The following KHDRBS2 variants were observed in gnomAD, a reference collection of about 807,000 sequenced individuals.
KHDRBS2 encodes the protein KH RNA binding domain containing, signal transduction associated 2, also known as KH domain-containing, RNA-binding, signal transduction-associated protein 2.
KHDRBS2 carries 26 observed loss-of-function variants against 44.3 expected under a neutral mutation model. The observed-to-expected ratio is 0.59, with a 90% CI of 0.43 to 0.81. The LOEUF (loss-of-function observed/expected upper bound fraction) is 0.81, where lower values mean the gene tolerates loss of function less well. KHDRBS2 is among the 40% of genes least tolerant of loss of function. The pLI, the probability that KHDRBS2 is intolerant of heterozygous loss-of-function variation, is 0.00. For synonymous variants in KHDRBS2, 194 were observed against 151.1 expected, an observed-to-expected ratio of 1.28 and a Z score of -2.08; for missense variants, 476 against 433.1, an observed-to-expected ratio of 1.10 and a Z score of -0.88.
At chr6:62,028,900 A>G (rs1783850051) in intron 3 of KHDRBS2, among the ~76,000 whole-genome samples, 1 of 152,108 alleles carries the variant, frequency 6.6e-6, no homozygotes, top group Non-Finnish European at 1.5e-5. Flanking sequence ...TGTCTTCAAA[A>G]TAACTAAAAT....
At chr6:61,763,206 T>A (rs1779525672) in intron 6 of KHDRBS2, among the ~76,000 whole-genome samples, 3 of 152,166 alleles carry the variant, frequency 2.0e-5, no homozygotes, top group Admixed American at 6.5e-5. Flanking sequence ...TCTTGGAGAC[T>A]CCGACAGTAA....
At chr6:61,892,112 C>A (rs1801952813) in intron 6 of KHDRBS2, among the ~76,000 whole-genome samples, 1 of 152,078 alleles carries the variant, frequency 6.6e-6, no homozygotes, top group Non-Finnish European at 1.5e-5. Context: ...CAATAACAGA[C>A]AAACAGAGAG....
At chr6:62,217,299 A>G (rs1830176102) in intron 1 of KHDRBS2, among the ~76,000 whole-genome samples, 1 of 151,796 alleles carries the variant, frequency 6.6e-6, no homozygotes, top group Non-Finnish European at 1.5e-5. Flanking sequence ...CTAAATTCAT[A>G]TATAGAAGCC....
chr6:62,117,142 A>G (rs1210208185), intron 2 of KHDRBS2, among the ~76,000 whole-genome samples: 1 of 152,076 alleles, frequency 6.6e-6, no homozygotes, highest in Non-Finnish European at 1.5e-5. Context: ...CATATGGTAA[A>G]TCTAGTTTTA....
intron 3 of KHDRBS2, among the ~76,000 whole-genome samples, chr6:62,041,556 A>G (rs564848032): frequency 1.3e-5 from 2 of 152,016 alleles, no homozygotes. Flanking sequence ...CTCTCATTTC[A>G]CTCTTCTAGG....
chr6:61,623,856 G>A, the KHDRBS2 span, among the ~76,000 whole-genome samples: 1 of 152,184 alleles, frequency 6.6e-6, no homozygotes. Context: ...GGTAGTGGTT[G>A]CATTACAGTC....
chr6:61,787,606 CT>C (rs1784018664), intron 6 of KHDRBS2, among the ~76,000 whole-genome samples: 1 of 151,530 alleles, frequency 6.6e-6, no homozygotes, highest in South Asian at 2.1e-4. Flanking sequence ...TTTGTTTTGG[CT>C]TTTTTACTTT....
chr6:61,637,495 T>A, the KHDRBS2 span, among the ~76,000 whole-genome samples: 1 of 151,926 alleles, frequency 6.6e-6, no homozygotes, highest in African/African-American at 2.4e-5. Flanking sequence ...AATAAACATA[T>A]GTGTGCGTGT....
In KHDRBS2 at chr6:61,786,294, C is replaced by T. The variant is rs555220037; in HGVS notation, c.811-53530G>A. Among the ~76,000 whole-genome samples the T allele has an allele frequency of 4.6e-5, 7 of 151,998 alleles. 1 individual carries two copies. In the South Asian group the frequency reaches 1.0e-3, roughly 23 times the overall value. On this transcript the variant is annotated intron_variant, in intron 6 of 8. Coordinates refer to ENST00000281156, the MANE Select transcript of KHDRBS2 (RefSeq NM_152688.4). ...ATCTTCTGAAAAATATTCCATATCC[C>T]CCAAACATATTAGCTTATTTAAGTG...
the KHDRBS2 span, among the ~76,000 whole-genome samples, chr6:61,662,859 A>G: frequency 6.6e-6 from 1 of 151,870 alleles, no homozygotes; most frequent in African/African-American, 2.4e-5. Flanking sequence ...TCAGGGATCT[A>G]GAACTAGAAA....
intron 4 of KHDRBS2, among the ~76,000 whole-genome samples, chr6:61,929,916 C>T (rs1327959857): frequency 6.6e-6 from 1 of 152,036 alleles, no homozygotes; most frequent in East Asian, 1.9e-4. Context: ...TATTTCTTAA[C>T]CTCCCTCCTT....
chr6:62,053,906 T>G (rs1225074195), intron 2 of KHDRBS2, among the ~76,000 whole-genome samples: 1 of 152,040 alleles, frequency 6.6e-6, no homozygotes, highest in African/African-American at 2.4e-5. Flanking sequence ...TATTTTTGTA[T>G]GCCAGCAGCA....
intron 6 of KHDRBS2, among the ~76,000 whole-genome samples, chr6:61,775,138 A>G (rs1247668124): frequency 2.0e-5 from 3 of 152,168 alleles, no homozygotes; most frequent in Non-Finnish European, 4.4e-5. Context: ...GATGGGATGT[A>G]TCTCAAAATA....
chr6:62,107,942 T>C (rs1269454631), intron 2 of KHDRBS2, among the ~76,000 whole-genome samples: 1 of 152,006 alleles, frequency 6.6e-6, no homozygotes, highest in Admixed American at 6.6e-5. Context: ...CAAAAATTAA[T>C]TCAAGATGGA....
chr6:62,260,582 G>A (rs1414775512), intron 1 of KHDRBS2, among the ~76,000 whole-genome samples: 1 of 151,806 alleles, frequency 6.6e-6, no homozygotes, highest in Non-Finnish European at 1.5e-5. Context: ...TAATGAACTG[G>A]TATTCAGAAT....
At chr6:61,928,924 T>C (rs2127364983) in intron 4 of KHDRBS2, among the ~76,000 whole-genome samples, 1 of 152,296 alleles carries the variant, frequency 6.6e-6, no homozygotes, top group Admixed American at 6.5e-5. Flanking sequence ...TCCATTGTTA[T>C]CATTATTTTT....
intron 8 of KHDRBS2, among the ~76,000 whole-genome samples, chr6:61,684,196 C>T (rs1329772737): frequency 1.3e-5 from 2 of 151,812 alleles, no homozygotes; most frequent in African/African-American, 2.4e-5. Flanking sequence ...AACCAATGAA[C>T]GTTTTTCCAG....
At chr6:61,606,726 C>T in the KHDRBS2 span, among the ~76,000 whole-genome samples, 5 of 152,152 alleles carry the variant, frequency 3.3e-5, no homozygotes, top group Admixed American at 2.0e-4. Context: ...GGAAGACTGG[C>T]TGAGTGATCT....
chr6:62,257,298 T>G (rs1585459078), intron 1 of KHDRBS2, among the ~76,000 whole-genome samples: 1 of 152,188 alleles, frequency 6.6e-6, no homozygotes, highest in East Asian at 1.9e-4. Flanking sequence ...TAAATGGATT[T>G]AAGGAAATGT....
Sources: gnomAD v4.1 joint callset for allele counts (sites outside exome capture counted in the v4.1 genomes callset) on GRCh38, gnomAD v4.1.1 for gene constraint, MANE v1.5 for transcripts, NCBI Gene and HGNC (gene_info 2026-07-23, HGNC 2026-07-21) for gene names.